ZBTB44: variants seen among roughly 807,000 people sequenced by gnomAD.
ZBTB44 encodes the protein zinc finger and BTB domain-containing protein 44.
A neutral mutation model predicts 54.0 loss-of-function variants in ZBTB44; 15 were observed. That is an observed-to-expected ratio of 0.28 (90% CI 0.19 to 0.43). The LOEUF is 0.43. Ranked by LOEUF, ZBTB44 falls within the 20% of genes least tolerant of loss-of-function variation. The pLI is 1.00. For synonymous variants in ZBTB44, 230 were observed against 250.1 expected (o/e 0.92, Z 0.76); for missense variants, 487 against 707.1 (o/e 0.69, Z 3.53).
chr11:130,251,412 C>G (rs1483967468), intron 2 of ZBTB44, among the ~76,000 whole-genome samples: 1 of 152,160 alleles, frequency 6.6e-6, no homozygotes, highest in Non-Finnish European at 1.5e-5. Context: ...CCTAGCAACA[C>G]AGGCCAACAT....
intron 1 of ZBTB44, among the ~76,000 whole-genome samples, chr11:130,312,428 C>A (rs757355963): frequency 1.3e-5 from 2 of 152,200 alleles, no homozygotes; most frequent in Non-Finnish European, 2.9e-5. Flanking sequence ...TACACAGCAT[C>A]ACCTATTAAA....
chr11:130,305,688 A>G (rs1942226668), intron 1 of ZBTB44, among the ~76,000 whole-genome samples: 1 of 152,230 alleles, frequency 6.6e-6, no homozygotes. Context: ...TCTTCTAGAC[A>G]TTAGCTTAGG....
At chr11:130,291,754 C>G (rs1180129254) in intron 1 of ZBTB44, among the ~76,000 whole-genome samples, 1 of 152,210 alleles carries the variant, frequency 6.6e-6, no homozygotes, top group Non-Finnish European at 1.5e-5. Flanking sequence ...TTTATGGAAT[C>G]AATCACATCT....
In ZBTB44 at chr11:130,259,481, C is replaced by T. The variant is rs11828465; in HGVS notation, c.1018+1375G>A. ...TACACCCAAAGGATTATAAATCTTTCTACTATAAAGACACATGCGCACATA... is the reference window on the plus strand; with the variant it reads ...TACACCCAAAGGATTATAAATCTTTTTACTATAAAGACACATGCGCACATA... On this transcript the variant is annotated intron_variant, in intron 2 of 7. Transcript: ENST00000357899. 8.6e-3 allele frequency among the ~76,000 whole-genome samples: 1,314 copies of T among 152,270 alleles called. 9 individuals carry two copies. The highest frequency in any genetic ancestry group is 0.021 in the African/African-American group (890 of 41,550).
intron 1 of ZBTB44, among the ~76,000 whole-genome samples, chr11:130,271,738 G>T (rs1408443366): frequency 6.6e-6 from 1 of 152,124 alleles, no homozygotes; most frequent in East Asian, 1.9e-4. Flanking sequence ...ATGGACACGA[G>T]TTGTTTCCAG....
chr11:130,273,500 A>T (rs1471315349), intron 1 of ZBTB44, among the ~76,000 whole-genome samples: 2 of 151,660 alleles, frequency 1.3e-5, no homozygotes, highest in African/African-American at 2.4e-5. Flanking sequence ...TTTTGTAGAG[A>T]TGGGGTTTTG....
intron 2 of ZBTB44, among the ~76,000 whole-genome samples, chr11:130,259,128 C>A (rs760542072): frequency 6.6e-6 from 1 of 152,050 alleles, no homozygotes; most frequent in Non-Finnish European, 1.5e-5. Context: ...GAATCAATAT[C>A]GTGAAAATGG....
Position 130,259,516 on chromosome 11 carries a change from C to T in ZBTB44, c.1018+1340G>A, listed in dbSNP as rs1057453896. Reference sequence around the variant, plus strand: ...GACACATGCGCACATATGTTTACTGCGGCACTATTCACAATAGCAAAGACT... The same window carrying T: ...GACACATGCGCACATATGTTTACTGTGGCACTATTCACAATAGCAAAGACT... On this transcript the variant is annotated intron_variant, in intron 2 of 7. Coordinates refer to ENST00000357899, the MANE Select transcript of ZBTB44 (RefSeq NM_001301098.2). Among the ~76,000 whole-genome samples the T allele has an allele frequency of 8.5e-5, 13 of 152,112 alleles. No homozygotes were observed. In the South Asian group the frequency reaches 2.3e-3, roughly 27 times the overall value.
At chr11:130,265,336 C>T (rs1217890825) in intron 1 of ZBTB44, among the ~76,000 whole-genome samples, 1 of 152,132 alleles carries the variant, frequency 6.6e-6, no homozygotes, top group Non-Finnish European at 1.5e-5. Context: ...AAGCAATTCT[C>T]CTTTCAGCTT....
intron 1 of ZBTB44, among the ~76,000 whole-genome samples, chr11:130,290,190 A>G (rs1195398325): frequency 6.6e-6 from 1 of 152,200 alleles, no homozygotes; most frequent in Non-Finnish European, 1.5e-5. Context: ...GAGGTGGTGT[A>G]GCAACGTGAA....
At chr11:130,265,212 G>A (rs1032322470) in intron 1 of ZBTB44, among the ~76,000 whole-genome samples, 11 of 152,080 alleles carry the variant, frequency 7.2e-5, no homozygotes, top group African/African-American at 2.7e-4. Flanking sequence ...GTGAAAGGAA[G>A]AGCTGCACGT....
chr11:130,308,155 G>A (rs1346387651), intron 1 of ZBTB44, among the ~76,000 whole-genome samples: 24 of 152,160 alleles, frequency 1.6e-4, no homozygotes, highest in Admixed American at 1.6e-3. Flanking sequence ...CGTGGCCTAG[G>A]AGCAACAGGC....
At chr11:130,271,344 A>G (rs1340908580) in intron 1 of ZBTB44, among the ~76,000 whole-genome samples, 1 of 152,212 alleles carries the variant, frequency 6.6e-6, no homozygotes, top group Non-Finnish European at 1.5e-5. Flanking sequence ...CAAAAAAACT[A>G]TAAACTCATG....
At chr11:130,233,188 G>A in intron 7 of ZBTB44, 120 bp downstream of exon 7, 2 of 1,355,432 alleles carry the variant, frequency 1.5e-6, no homozygotes, top group South Asian at 1.4e-5. Context: ...TGATGGGGCA[G>A]GGGGAAAACT....
At position 130,236,958 on chromosome 11, in the gene ZBTB44, C is replaced by T. The variant is rs1239734453; in HGVS notation, c.1403G>A (p.Gly468Glu). The T allele has an allele frequency of 6.2e-7, 1 of 1,613,140 alleles. No individual in the cohort carries two copies. Among genetic ancestry groups the T allele is most frequent in the South Asian group, 1.1e-5 (1 of 91,000 alleles). ...AACCCTCATGTGGTGTTTATATTCC[C>T]CGAAGGAAGTGAAAGTGGCACTACA... ...QICSATFTSF[G>E]EYKHHMRVSR... is the part of the protein sequence containing the mutation. Residue 468 changes from glycine to glutamate, a missense_variant, in exon 5 of 8, where the codon GGG (glycine) becomes GAG (glutamate). Physicochemically the swap from Gly to Glu is moderately conservative, Grantham distance 98 (BLOSUM62 -2). Coordinates refer to ENST00000357899, the MANE Select transcript of ZBTB44 (RefSeq NM_001301098.2).
chr11:130,297,560 G>T (rs1283634639), intron 1 of ZBTB44, among the ~76,000 whole-genome samples: 2 of 152,200 alleles, frequency 1.3e-5, no homozygotes, highest in Admixed American at 6.5e-5. Flanking sequence ...CTTTATAGAG[G>T]TAATCAAGTT....
chr11:130,306,016 C>T (rs1330180459), intron 1 of ZBTB44, among the ~76,000 whole-genome samples: 1 of 152,100 alleles, frequency 6.6e-6, no homozygotes, highest in Non-Finnish European at 1.5e-5. Context: ...TGTTTAACAT[C>T]CCTAATTATC....
At position 130,269,616 on chromosome 11, in the gene ZBTB44, A is replaced by AT. The variant is rs1337199378; in HGVS notation, c.-56-7688dup. ...AAGGGAATACAAAAAAGAACCTACA[A>AT]TTTTTTTTTACAGTTGGGTTGAAAC... On this transcript the variant is annotated intron_variant, in intron 1 of 7. Coordinates refer to ENST00000357899, the MANE Select transcript of ZBTB44 (RefSeq NM_001301098.2). 3.3e-5 allele frequency among the ~76,000 whole-genome samples: 5 copies of AT among 151,666 alleles called. No individual in the cohort carries two copies. In the South Asian group the frequency reaches 6.3e-4, roughly 19 times the overall value.
chr11:130,274,589 T>C (rs1405355725), intron 1 of ZBTB44, among the ~76,000 whole-genome samples: 1 of 152,252 alleles, frequency 6.6e-6, no homozygotes, highest in Non-Finnish European at 1.5e-5. Flanking sequence ...ATGAGTCAAA[T>C]GCTTTTTCTG....
Sources: allele counts gnomAD v4.1 joint callset (sites outside exome capture counted in the v4.1 genomes callset), GRCh38; gene constraint gnomAD v4.1.1; transcripts MANE v1.5; gene names NCBI Gene and HGNC (gene_info 2026-07-23, HGNC 2026-07-21).